CNDP1: variants seen among roughly 807,000 people sequenced by gnomAD.
CNDP1 encodes the protein beta-Ala-His dipeptidase.
CNDP1 carries 44 observed loss-of-function variants against 58.1 expected under a neutral mutation model. That is an observed-to-expected ratio of 0.76 (90% CI 0.60 to 0.97). CNDP1 has a LOEUF of 0.97. Ranked by LOEUF, CNDP1 falls within the 50% of genes least tolerant of loss-of-function variation. CNDP1 has a pLI of 0.00. For missense variants in CNDP1, 616 were observed against 655.1 expected (o/e 0.94, Z 0.65); for synonymous variants, 254 against 252.6 (o/e 1.01, Z -0.05).
chr18:74,570,244 A>AATAATTT (rs1981445185), intron 6 of CNDP1, among the ~76,000 whole-genome samples: 3 of 15,276 alleles, frequency 2.0e-4, no homozygotes, highest in African/African-American at 1.9e-3. Flanking sequence ...TAAATAATTA[A>AATAATTT]AAAAAAAGAA....
chr18:74,575,578 T>G (rs1204359340), intron 7 of CNDP1, among the ~76,000 whole-genome samples: 1 of 152,218 alleles, frequency 6.6e-6, no homozygotes, highest in Non-Finnish European at 1.5e-5. Context: ...TAGTGATGAT[T>G]TTTTCCATTT....
chr18:74,534,642 G>A lies in CNDP1; in HGVS notation c.-26G>A. 1 of 1,614,016 alleles carries A rather than the reference G, an allele frequency of 6.2e-7. No homozygotes were observed. Among genetic ancestry groups the A allele is most frequent in the Non-Finnish European group, 8.5e-7 (1 of 1,179,892 alleles). Reference sequence around the variant, plus strand: ...ACATTTTTTGGAGGTTGGGAAAGTTGCTAGAGGCTTCAGAACTCCAGCCTA... The same window carrying A: ...ACATTTTTTGGAGGTTGGGAAAGTTACTAGAGGCTTCAGAACTCCAGCCTA... On this transcript the variant is annotated 5_prime_UTR_variant, in exon 1 of 12. Transcript: ENST00000358821.
rs142724978 is a variant in CNDP1 at position 74,583,169 on chromosome 18, G to A, written c.1310-392G>A. On this transcript the variant is annotated intron_variant, in intron 10 of 11. Transcript: ENST00000358821. ...TTACAGGCATATACCACCATGCCCAGCTAATTTTTGTATTTTTAGTAGAGA... is the reference window on the plus strand; with the variant it reads ...TTACAGGCATATACCACCATGCCCAACTAATTTTTGTATTTTTAGTAGAGA... Among the ~76,000 whole-genome samples the A allele has an allele frequency of 7.2e-5, 11 of 152,160 alleles. No homozygotes were observed. The East Asian group carries it at 2.1e-3, about 29-fold the overall frequency.
chr18:74,558,480 C>T (rs9948919), intron 2 of CNDP1, among the ~76,000 whole-genome samples: 59,065 of 148,814 alleles, frequency 0.4, 11,877 homozygotes, highest in Admixed American at 0.46. Context: ...CTGCAAGCTC[C>T]GCCTCCCAGG....
intron 10 of CNDP1, among the ~76,000 whole-genome samples, chr18:74,581,228 G>GTGTA (rs1981783344): frequency 7.9e-6 from 1 of 126,626 alleles, no homozygotes; most frequent in Non-Finnish European, 1.8e-5. Context: ...CTGTGTGTGT[G>GTGTA]TGTGTGTGTG....
intron 1 of CNDP1, among the ~76,000 whole-genome samples, chr18:74,541,989 A>G (rs1300645955): frequency 2.0e-5 from 3 of 151,960 alleles, no homozygotes; most frequent in African/African-American, 7.3e-5. Flanking sequence ...CACAGATGGA[A>G]CTCCCCAAAG....
chr18:74,559,642 T>C (rs997732468), intron 3 of CNDP1, among the ~76,000 whole-genome samples, 170 bp downstream of exon 3: 4 of 152,154 alleles, frequency 2.6e-5, no homozygotes, highest in African/African-American at 4.8e-5. Context: ...AGCCGTGTTA[T>C]TGCTTTCCAG....
chr18:74,573,394 C>T (rs556351320), intron 7 of CNDP1, among the ~76,000 whole-genome samples: 18 of 55,236 alleles, frequency 3.3e-4, no homozygotes, highest in Non-Finnish European at 6.2e-4. Flanking sequence ...ATTCATCCAT[C>T]CATCTATCCA....
chr18:74,560,823 T>G (rs1020352691), intron 3 of CNDP1, 33 bp from the exon 4 acceptor site: 1 of 1,595,210 alleles, frequency 6.3e-7, no homozygotes, highest in Non-Finnish European at 8.6e-7. Flanking sequence ...CAACACAGCA[T>G]TTTTGAAAAT....
intron 6 of CNDP1, among the ~76,000 whole-genome samples, chr18:74,569,960 T>C (rs187891375): frequency 2.3e-4 from 33 of 146,022 alleles, no homozygotes; most frequent in African/African-American, 7.1e-4. Flanking sequence ...CTGAGGCGGG[T>C]GGATCACCTG....
At chr18:74,580,311 G>A (rs763344645) in intron 10 of CNDP1, 40 bp downstream of exon 10, 1 of 1,606,564 alleles carries the variant, frequency 6.2e-7, no homozygotes, top group Admixed American at 1.7e-5. Context: ...ATCTGCACTG[G>A]GACTCAGGGG....
At position 74,567,408 on chromosome 18, in the gene CNDP1, G is replaced by A. The variant is rs750904832; in HGVS notation, c.731G>A (p.Arg244Gln). 38 of 1,612,642 alleles carry A rather than the reference G, an allele frequency of 2.4e-5. No individual in the cohort carries two copies. Among genetic ancestry groups the A allele is most frequent in the African/African-American group, 9.3e-5 (7 of 74,890 alleles). The change falls in exon 6 of 12, where the codon CGG becomes CAG. Residue 244 changes from arginine (R) to glutamine (Q), a missense_variant. Arg to Gln is a conservative substitution (Grantham distance 43). Coordinates refer to ENST00000358821, the MANE Select transcript of CNDP1 (RefSeq NM_032649.6). ...QRKPAITYGTRGNSYFMVEVK... is the reference protein window; with the variant it reads ...QRKPAITYGTQGNSYFMVEVK... Reference sequence around the variant, plus strand: ...AAGCCAGCAATCACTTACGGAACCCGGGGGAACAGCTACTTCATGGTGGAG... The same window carrying A: ...AAGCCAGCAATCACTTACGGAACCCAGGGGAACAGCTACTTCATGGTGGAG...
intron 1 of CNDP1, among the ~76,000 whole-genome samples, chr18:74,539,633 A>G (rs1213585125): frequency 6.6e-6 from 1 of 152,200 alleles, no homozygotes; most frequent in Non-Finnish European, 1.5e-5. Flanking sequence ...CTGAGCAGCA[A>G]GTGGTTCCTG....
At chr18:74,539,134 C>T (rs566743939) in intron 1 of CNDP1, among the ~76,000 whole-genome samples, 25 of 150,706 alleles carry the variant, frequency 1.7e-4, no homozygotes, top group African/African-American at 4.4e-4. Context: ...CATGGACATT[C>T]GCTGCAAACA....
chr18:74,566,695 A>G (rs1981336018), intron 5 of CNDP1, among the ~76,000 whole-genome samples: 1 of 152,252 alleles, frequency 6.6e-6, no homozygotes, highest in Non-Finnish European at 1.5e-5. Context: ...AAGCCATTCA[A>G]TAAGTCTCTA....
intron 1 of CNDP1, among the ~76,000 whole-genome samples, chr18:74,542,535 C>T (rs1160700646): frequency 6.6e-6 from 1 of 152,018 alleles, no homozygotes; most frequent in Non-Finnish European, 1.5e-5. Flanking sequence ...ATGAGTTCAC[C>T]CTTAAAACTC....
chr18:74,538,451 G>A (rs1568289533), intron 1 of CNDP1, among the ~76,000 whole-genome samples: 1 of 152,170 alleles, frequency 6.6e-6, no homozygotes, highest in East Asian at 1.9e-4. Context: ...GTGGACATGT[G>A]GGTTGTTTCC....
chr18:74,546,797 G>A (rs936205650), intron 1 of CNDP1, among the ~76,000 whole-genome samples: 2 of 152,222 alleles, frequency 1.3e-5, no homozygotes, highest in East Asian at 1.9e-4. Context: ...GGATCCTAGC[G>A]AACTGGGTAA....
chr18:74,569,439 T>C (rs1211662376), intron 6 of CNDP1, among the ~76,000 whole-genome samples: 3 of 152,076 alleles, frequency 2.0e-5, no homozygotes, highest in Non-Finnish European at 4.4e-5. Flanking sequence ...TGAGTTTGGG[T>C]CTAGATCTCC....
Sources: gnomAD v4.1 joint callset for allele counts (sites outside exome capture counted in the v4.1 genomes callset) on GRCh38, gnomAD v4.1.1 for gene constraint, MANE v1.5 for transcripts, NCBI Gene and HGNC (gene_info 2026-07-23, HGNC 2026-07-21) for gene names.